The following EPHA4 variants were observed in gnomAD, a reference collection of about 807,000 sequenced individuals.
EPHA4 encodes the protein EPH receptor A4, also known as ephrin type-A receptor 4.
EPHA4 carries 19 observed loss-of-function variants against 108.3 expected under a neutral mutation model. That is an observed-to-expected ratio of 0.18 (90% CI 0.12 to 0.26). The LOEUF (loss-of-function observed/expected upper bound fraction) is 0.26, where lower values mean the gene tolerates loss of function less well. EPHA4 is among the 10% of genes least tolerant of loss of function. EPHA4 has a pLI of 1.00. For missense variants in EPHA4, 917 were observed against 1,254.0 expected, an observed-to-expected ratio of 0.73 and a Z score of 4.06; for synonymous variants, 449 against 455.5, an observed-to-expected ratio of 0.99 and a Z score of 0.18.
chr2:221,518,013 G>A (rs1021079616), intron 3 of EPHA4, among the ~76,000 whole-genome samples: 2 of 152,194 alleles, frequency 1.3e-5, no homozygotes, highest in African/African-American at 4.8e-5. Context: ...GAGGTTTCAG[G>A]TTGACATTAG....
At chr2:221,481,162 G>A (rs1391023188) in intron 5 of EPHA4, among the ~76,000 whole-genome samples, 1 of 152,156 alleles carries the variant, frequency 6.6e-6, no homozygotes, top group Non-Finnish European at 1.5e-5. Context: ...TAAGTCAGAA[G>A]CGAAAGCCTA....
chr2:221,453,161 G>A (rs774686925), intron 8 of EPHA4, among the ~76,000 whole-genome samples: 14 of 152,174 alleles, frequency 9.2e-5, no homozygotes, highest in African/African-American at 3.4e-4. Flanking sequence ...AAGACACAAG[G>A]CAAGGCCTAC....
chr2:221,516,462 C>A (rs1194728404), intron 3 of EPHA4, among the ~76,000 whole-genome samples: 4 of 149,982 alleles, frequency 2.7e-5, no homozygotes, highest in Admixed American at 1.3e-4. Context: ...TCAAGTGATT[C>A]TCTTGCCTCT....
At chr2:221,540,917 G>A (rs1693820791) in intron 3 of EPHA4, among the ~76,000 whole-genome samples, 1 of 149,470 alleles carries the variant, frequency 6.7e-6, no homozygotes, top group Non-Finnish European at 1.5e-5. Context: ...TGTCCAAAAT[G>A]TTGTGGAAAA....
At chr2:221,553,342 G>T (rs761670225) in intron 3 of EPHA4, among the ~76,000 whole-genome samples, 1 of 152,224 alleles carries the variant, frequency 6.6e-6, no homozygotes, top group Non-Finnish European at 1.5e-5. Flanking sequence ...AGAATCCACT[G>T]TGGAAAGCAA....
chr2:221,438,017 T>A (rs911535324), intron 11 of EPHA4, among the ~76,000 whole-genome samples: 25 of 152,300 alleles, frequency 1.6e-4, no homozygotes, highest in African/African-American at 2.6e-4. Context: ...TCCCTAGCTA[T>A]GAATAAACTT....
chr2:221,457,542 A>G (rs1332010902), intron 6 of EPHA4, among the ~76,000 whole-genome samples: 2 of 152,236 alleles, frequency 1.3e-5, no homozygotes, highest in Admixed American at 1.3e-4. Flanking sequence ...TAGAAAGTAA[A>G]GATATAGTTA....
chr2:221,552,828 C>A (rs1016603479), intron 3 of EPHA4, among the ~76,000 whole-genome samples: 11 of 152,098 alleles, frequency 7.2e-5, no homozygotes, highest in African/African-American at 2.7e-4. Context: ...TGTCTAAAGC[C>A]TGTGAATGCA....
intron 2 of EPHA4, among the ~76,000 whole-genome samples, chr2:221,568,014 G>A (rs185581585): frequency 9.8e-5 from 15 of 152,350 alleles, no homozygotes; most frequent in Admixed American, 9.8e-4. Context: ...TGTGGCCGTT[G>A]ACCTAGTAAG....
At chr2:221,519,625 G>T (rs554221650) in intron 3 of EPHA4, among the ~76,000 whole-genome samples, 2 of 152,244 alleles carry the variant, frequency 1.3e-5, no homozygotes, top group East Asian at 1.9e-4. Flanking sequence ...GGCAAAAACC[G>T]CAATTACCTT....
intron 3 of EPHA4, among the ~76,000 whole-genome samples, chr2:221,543,056 A>T (rs937166834): frequency 2.6e-5 from 4 of 152,212 alleles, no homozygotes; most frequent in African/African-American, 9.6e-5. Context: ...CTCAGGAAGC[A>T]TGTGTCTCAA....
At chr2:221,509,734 G>A (rs1186966996) in intron 3 of EPHA4, among the ~76,000 whole-genome samples, 1 of 152,162 alleles carries the variant, frequency 6.6e-6, no homozygotes, top group Non-Finnish European at 1.5e-5. Flanking sequence ...AAGAATGTAA[G>A]TAAAGAATGA....
intron 17 of EPHA4, among the ~76,000 whole-genome samples, chr2:221,421,489 T>C (rs73994241): frequency 0.013 from 1,923 of 152,300 alleles, 38 homozygotes; most frequent in African/African-American, 0.044. Context: ...ACTTGCTCTA[T>C]GAACGACAGA....
intron 8 of EPHA4, among the ~76,000 whole-genome samples, chr2:221,448,320 G>A (rs1219754708): frequency 2.0e-5 from 3 of 151,990 alleles, no homozygotes; most frequent in Admixed American, 6.6e-5. Context: ...CCCTGATCCA[G>A]CCCACGACTT....
chr2:221,560,312 C>A (rs1300552766), intron 3 of EPHA4, among the ~76,000 whole-genome samples: 1 of 152,058 alleles, frequency 6.6e-6, no homozygotes, highest in Non-Finnish European at 1.5e-5. Context: ...GAAGACTTGG[C>A]CAGTTTTCCT....
chr2:221,456,006 C>T (rs1452360108), intron 7 of EPHA4, among the ~76,000 whole-genome samples: 2 of 152,090 alleles, frequency 1.3e-5, no homozygotes, highest in Non-Finnish European at 2.9e-5. Flanking sequence ...AATCTATCAT[C>T]TTTTTATCAA....
intron 5 of EPHA4, among the ~76,000 whole-genome samples, chr2:221,472,730 C>T (rs1212521470): frequency 6.6e-6 from 1 of 152,068 alleles, no homozygotes; most frequent in African/African-American, 2.4e-5. Flanking sequence ...CCAAGAGTAA[C>T]AGCAAGAATA....
rs373148900 is a variant in EPHA4, at chr2:221,426,191, C to T, written c.2847-49G>A. On this transcript the variant is annotated intron_variant, in intron 16 of 17. Transcript: ENST00000281821. ...GGACAGAAGAAGTCACAGGGACTGA[C>T]AATCTCTTTTCTTGGGCTTCATGCA... is the stretch of plus-strand genomic sequence containing the variant. The T allele has an allele frequency of 1.1e-4, 165 of 1,500,428 alleles. 1 individual carries two copies. In the East Asian group the frequency reaches 2.6e-3, roughly 24 times the overall value. The allele number at this position is 1,500,428 out of a possible 1,614,324, so 92.9% of individuals were successfully genotyped here.
At chr2:221,456,123 A>G (rs917331673) in intron 7 of EPHA4, among the ~76,000 whole-genome samples, 1 of 151,988 alleles carries the variant, frequency 6.6e-6, no homozygotes, top group African/African-American at 2.4e-5. Flanking sequence ...CAACCAGTCA[A>G]TCCAACTCGC....
Sources: allele counts gnomAD v4.1 joint callset (sites outside exome capture counted in the v4.1 genomes callset), GRCh38; gene constraint gnomAD v4.1.1; transcripts MANE v1.5; gene names NCBI Gene and HGNC (gene_info 2026-07-23, HGNC 2026-07-21).